Variants in EFCAB6 observed in about 807,000 individuals in gnomAD.
EFCAB6 encodes EF-hand calcium-binding domain-containing protein 6.
A neutral mutation model predicts 169.8 loss-of-function variants in EFCAB6; 156 were observed. The observed-to-expected ratio is 0.92, with a 90% CI of 0.81 to 1.05. The LOEUF (loss-of-function observed/expected upper bound fraction) is 1.05, where lower values mean the gene tolerates loss of function less well. EFCAB6 is among the 50% of genes least tolerant of loss of function. The pLI is 0.00. For missense variants in EFCAB6, 1,800 were observed against 1,829.1 expected, an observed-to-expected ratio of 0.98 and a Z score of 0.29; for synonymous variants, 698 against 676.4, an observed-to-expected ratio of 1.03 and a Z score of -0.50.
chr22:43,626,527 G>A lies in EFCAB6; in HGVS notation c.2385C>T (p.Val795=). Residue 795 remains valine, a synonymous_variant, in exon 20 of 32, where the codon GTC becomes GTT. Transcript: ENST00000262726. ...TTTGAAATTCCCGAAAATTTAAAGT[G>A]ACACTAAGTCTCAAGCCAAGAAGGC... The part of the protein sequence containing the change: ...FLGLLGLRLS[V]TLNFREFQNL... 6.2e-7 allele frequency: 1 copy of A among 1,614,114 alleles called. No individual in the cohort carries two copies. Among genetic ancestry groups the A allele is most frequent in the Non-Finnish European group, 8.5e-7 (1 of 1,180,034 alleles).
chr22:43,707,767 G>A (rs767195175), intron 10 of EFCAB6, among the ~76,000 whole-genome samples: 4 of 152,060 alleles, frequency 2.6e-5, no homozygotes, highest in Non-Finnish European at 5.9e-5. Flanking sequence ...TCAGGAAATT[G>A]ACTCCAGAAG....
intron 8 of EFCAB6, among the ~76,000 whole-genome samples, chr22:43,717,739 T>G (rs1292461241): frequency 6.6e-6 from 1 of 152,140 alleles, no homozygotes; most frequent in Admixed American, 6.5e-5. Context: ...CTTAAATCCT[T>G]TTCTAGAGTT....
chr22:43,615,027 G>T (rs2053600762), intron 21 of EFCAB6, among the ~76,000 whole-genome samples: 1 of 152,252 alleles, frequency 6.6e-6, no homozygotes, highest in Non-Finnish European at 1.5e-5. Context: ...CTGGAGGTTA[G>T]CAGGACTTCA....
chr22:43,803,745 C>A (rs948943137), intron 2 of EFCAB6, among the ~76,000 whole-genome samples: 55 of 152,204 alleles, frequency 3.6e-4, no homozygotes, highest in Middle Eastern at 3.4e-3. Context: ...AAATGCTTCA[C>A]TCTCGGTAAT....
intron 20 of EFCAB6, among the ~76,000 whole-genome samples, chr22:43,623,939 G>C (rs1032219684): frequency 1.3e-5 from 2 of 150,016 alleles, no homozygotes; most frequent in South Asian, 4.3e-4. Context: ...AAAGAAAAAA[G>C]AAAAAGAAAG....
chr22:43,571,383 T>A (rs1414620361), intron 26 of EFCAB6, among the ~76,000 whole-genome samples: 12 of 152,188 alleles, frequency 7.9e-5, no homozygotes, highest in Admixed American at 6.5e-5. Context: ...ATTTTGGTAA[T>A]CTCCTTTTAA....
intron 26 of EFCAB6, among the ~76,000 whole-genome samples, chr22:43,562,174 C>T (rs1420968881): frequency 1.3e-5 from 2 of 152,228 alleles, no homozygotes; most frequent in Non-Finnish European, 2.9e-5. Context: ...CAAAGATATT[C>T]ATGGGACCTT....
intron 3 of EFCAB6, among the ~76,000 whole-genome samples, chr22:43,780,428 AGTT>A (rs556416309): frequency 2.2e-4 from 30 of 138,602 alleles, no homozygotes; most frequent in African/African-American, 7.8e-4. Flanking sequence ...CAGAGGTTGC[AGTT>A]AGCCAAGATC....
intron 5 of EFCAB6, among the ~76,000 whole-genome samples, chr22:43,763,802 C>T (rs2061241964): frequency 6.6e-6 from 1 of 152,026 alleles, no homozygotes; most frequent in Admixed American, 6.6e-5. Flanking sequence ...GACAGAGTCT[C>T]ACTTTGTCAC....
chr22:43,664,879 G>T (rs1427884436), intron 17 of EFCAB6, among the ~76,000 whole-genome samples: 2 of 152,134 alleles, frequency 1.3e-5, no homozygotes, highest in Non-Finnish European at 2.9e-5. Context: ...GGTTGACGAT[G>T]AACTGTGGCA....
At chr22:43,611,497 G>A (rs7510702) in intron 21 of EFCAB6, among the ~76,000 whole-genome samples, 76,992 of 152,006 alleles carry the variant, frequency 0.51, 19,782 homozygotes, top group East Asian at 0.62. Context: ...AGAAAAAGCT[G>A]TTTTTAAATT....
At chr22:43,612,517 A>G (rs925122127) in intron 21 of EFCAB6, among the ~76,000 whole-genome samples, 1 of 152,206 alleles carries the variant, frequency 6.6e-6, no homozygotes, top group African/African-American at 2.4e-5. Context: ...ATCATATGAA[A>G]AAAAGCTCAT....
intron 8 of EFCAB6, among the ~76,000 whole-genome samples, chr22:43,719,348 A>G (rs1367475568): frequency 6.6e-6 from 1 of 152,214 alleles, no homozygotes. Context: ...CAAAGCTTAC[A>G]GTGCGGTTTA....
chr22:43,777,920 G>A (rs1383799104), intron 3 of EFCAB6, among the ~76,000 whole-genome samples: 1 of 152,178 alleles, frequency 6.6e-6, no homozygotes, highest in Non-Finnish European at 1.5e-5. Flanking sequence ...GAATCTTTCT[G>A]GAGGGCAATT....
intron 13 of EFCAB6, among the ~76,000 whole-genome samples, 161 bp downstream of exon 13, chr22:43,677,835 T>A (rs561563734): frequency 6.6e-6 from 1 of 152,028 alleles, no homozygotes; most frequent in East Asian, 1.9e-4. Context: ...AAAGTTAAAA[T>A]CAAAGTGCTT....
chr22:43,552,819 A>G (rs1272218336), intron 27 of EFCAB6: 1 of 152,186 alleles, frequency 6.6e-6, no homozygotes, highest in East Asian at 1.9e-4. Context: ...AAAAATCTTT[A>G]TTAGTAAAAC....
At chr22:43,580,313 A>G in intron 25 of EFCAB6, 151 bp downstream of exon 25, 1 of 746,444 alleles carries the variant, frequency 1.3e-6, no homozygotes, top group Non-Finnish European at 2.1e-6. Flanking sequence ...AAGAGTGGAT[A>G]CACAACTACC....
At chr22:43,754,728 G>C (rs186550896) in intron 6 of EFCAB6, among the ~76,000 whole-genome samples, 1 of 152,102 alleles carries the variant, frequency 6.6e-6, no homozygotes, top group Non-Finnish European at 1.5e-5. Context: ...TTGCATTACT[G>C]GTCCTTAACA....
chr22:43,630,438 T>C (rs1183809486), intron 19 of EFCAB6, among the ~76,000 whole-genome samples: 1 of 152,228 alleles, frequency 6.6e-6, no homozygotes, highest in African/African-American at 2.4e-5. Flanking sequence ...GTAGCCAAGC[T>C]TCACTGATCG....
Sources: allele counts gnomAD v4.1 joint callset (sites outside exome capture counted in the v4.1 genomes callset), GRCh38; gene constraint gnomAD v4.1.1; transcripts MANE v1.5; gene names NCBI Gene and HGNC (gene_info 2026-07-23, HGNC 2026-07-21).